SCMH1: variants seen among roughly 807,000 people sequenced by gnomAD.
SCMH1 encodes the protein Scm polycomb group protein homolog 1, also known as polycomb protein SCMH1.
Under a neutral mutation model 70.8 loss-of-function variants are expected in SCMH1, and 37 were observed. That is an observed-to-expected ratio of 0.52 (90% CI 0.40 to 0.69). SCMH1 has a LOEUF of 0.69. SCMH1 is among the 30% of genes least tolerant of loss of function. The probability of loss-of-function intolerance (pLI) is 0.00; values close to 1 mark genes in which losing one functional copy is unlikely to be tolerated. For synonymous variants in SCMH1, 292 were observed against 307.4 expected, an observed-to-expected ratio of 0.95 and a Z score of 0.52; for missense variants, 607 against 827.3, an observed-to-expected ratio of 0.73 and a Z score of 3.27.
intron 1 of SCMH1, among the ~76,000 whole-genome samples, chr1:41,212,752 A>G (rs554523403): frequency 8.5e-5 from 13 of 152,366 alleles, no homozygotes; most frequent in Admixed American, 7.8e-4. Flanking sequence ...CACTCTGTAC[A>G]CACAGAGCTT....
At chr1:41,241,378 G>C (rs1663494173) in intron 1 of SCMH1, among the ~76,000 whole-genome samples, 1 of 152,226 alleles carries the variant, frequency 6.6e-6, no homozygotes, top group African/African-American at 2.4e-5. Context: ...TTCGGTGCGG[G>C]GCCGCTCTCC....
In SCMH1 at chr1:41,037,350, T is replaced by C; in HGVS notation, c.1678+12A>G. 6.2e-7 allele frequency: 1 copy of C among 1,612,622 alleles called. No homozygotes were observed. Among genetic ancestry groups the C allele is most frequent in the South Asian group, 1.1e-5 (1 of 90,976 alleles). ...AGGGAGGGAAGGAGGGCCAGGACTC[T>C]GGTAAGCTTACCCCTGGAGCATAGC... On this transcript the variant is annotated intron_variant, in intron 13 of 14. Coordinates refer to ENST00000337495, the Ensembl canonical transcript of SCMH1.
intron 5 of SCMH1, among the ~76,000 whole-genome samples, chr1:41,144,549 A>G (rs1572573021): frequency 6.6e-6 from 1 of 152,154 alleles, no homozygotes; most frequent in East Asian, 1.9e-4. Flanking sequence ...TATTATGAAT[A>G]ATGATGTGAT....
chr1:41,046,892 G>A (rs1646946246), intron 11 of SCMH1, among the ~76,000 whole-genome samples: 1 of 152,180 alleles, frequency 6.6e-6, no homozygotes, highest in Admixed American at 6.5e-5. Flanking sequence ...AATTCTCTCT[G>A]CTCCATCACT....
chr1:41,143,738 T>A (rs992800156), intron 5 of SCMH1, among the ~76,000 whole-genome samples: 2 of 150,630 alleles, frequency 1.3e-5, no homozygotes, highest in Non-Finnish European at 2.9e-5. Context: ...TTTTGTAATC[T>A]CTTCTTCTGG....
chr1:41,150,230 C>T (rs768890024), intron 5 of SCMH1, among the ~76,000 whole-genome samples: 1 of 152,168 alleles, frequency 6.6e-6, no homozygotes, highest in Admixed American at 6.5e-5. Context: ...TGGCTAGGCC[C>T]GGTGGCTCAC....
chr1:41,043,487 A>T (rs1379600288), intron 12 of SCMH1: 1 of 151,314 alleles, frequency 6.6e-6, no homozygotes, highest in East Asian at 1.9e-4. Context: ...CAGTGGCGCA[A>T]TCGCTGCTCA....
intron 1 of SCMH1, among the ~76,000 whole-genome samples, chr1:41,203,386 C>T (rs116082721): frequency 0.012 from 1,813 of 152,268 alleles, 30 homozygotes; most frequent in African/African-American, 0.041. Context: ...AAATTCATTA[C>T]ATCCAGTCAT....
intron 2 of SCMH1, among the ~76,000 whole-genome samples, chr1:41,175,698 A>G (rs1647070893): frequency 6.6e-6 from 1 of 152,132 alleles, no homozygotes; most frequent in South Asian, 2.1e-4. Flanking sequence ...CCACCTCTCT[A>G]TCTTATGTGT....
At chr1:41,161,669 A>T (rs946796160) in intron 2 of SCMH1, among the ~76,000 whole-genome samples, 19 of 152,258 alleles carry the variant, frequency 1.2e-4, no homozygotes, top group African/African-American at 4.1e-4. Context: ...TTAAGATTTG[A>T]TAATACAAAC....
intron 8 of SCMH1, among the ~76,000 whole-genome samples, chr1:41,107,241 A>G (rs1668176146): frequency 6.6e-6 from 1 of 151,900 alleles, no homozygotes; most frequent in South Asian, 2.1e-4. Flanking sequence ...TCCAACCTCC[A>G]GTCCCCTCAA....
rs545007148 is a variant in SCMH1, at chr1:41,076,177, A to G, written c.746-726T>C. On this transcript the variant is annotated intron_variant, in intron 8 of 14. Transcript: ENST00000337495. ...ATGTTCTAGTAGCCCTTATATGTTG[A>G]GCTCTCTATTACTCTTTGTCAGACA... Among the ~76,000 whole-genome samples, 4 of 152,118 alleles carry G rather than the reference A, an allele frequency of 2.6e-5. No individual in the cohort carries two copies. In the South Asian group the frequency reaches 8.3e-4, roughly 32 times the overall value.
intron 1 of SCMH1, among the ~76,000 whole-genome samples, chr1:41,192,525 C>CACACA (rs1553171751): frequency 6.7e-6 from 1 of 149,780 alleles, no homozygotes; most frequent in African/African-American, 2.5e-5. Context: ...CACACACACA[C>CACACA]CACTTAGAAC....
rs142882044 is a variant in SCMH1 at position 41,143,287 on chromosome 1, T to A, written c.178-175A>T. On this transcript the variant is annotated intron_variant, in intron 5 of 14. Transcript: ENST00000337495. Reference sequence around the variant, plus strand: ...GAAAGATAAGATGAAGGGGAAAAAATTACTTTCCAACGAAGCATCAAATAG... The same window carrying A: ...GAAAGATAAGATGAAGGGGAAAAAAATACTTTCCAACGAAGCATCAAATAG... Among the ~76,000 whole-genome samples, 456 of 152,068 alleles carry A rather than the reference T, an allele frequency of 3.0e-3. 3 individuals carry two copies. The highest frequency in any genetic ancestry group is 0.01 in the African/African-American group (435 of 41,478).
chr1:41,060,491 T>G (rs1354435173), intron 10 of SCMH1, among the ~76,000 whole-genome samples: 1 of 148,304 alleles, frequency 6.7e-6, no homozygotes, highest in Non-Finnish European at 1.5e-5. Flanking sequence ...ATTGAGGGAG[T>G]GTGTTGCCAG....
chr1:41,049,487 T>C (rs1316914099), intron 10 of SCMH1, among the ~76,000 whole-genome samples: 1 of 151,278 alleles, frequency 6.6e-6, no homozygotes, highest in Non-Finnish European at 1.5e-5. Flanking sequence ...AAAAAAAAAG[T>C]TGGGCTGGGC....
chr1:41,083,783 G>T (rs1660753045), intron 8 of SCMH1, among the ~76,000 whole-genome samples: 1 of 152,066 alleles, frequency 6.6e-6, no homozygotes, highest in Non-Finnish European at 1.5e-5. Context: ...CAGAGATATA[G>T]ATCAATGGAA....
Position 41,053,130 on chromosome 1 carries a change from G to A in SCMH1, c.1106-4240C>T, listed in dbSNP as rs1426113121. ...ATGGGGTTTCACCATTGATCTGCCC[G>A]CCTCAGCCTCCCAAAGTGGTGGGAT... On this transcript the variant is annotated intron_variant, in intron 10 of 14. Coordinates refer to ENST00000337495, the Ensembl canonical transcript of SCMH1. Among the ~76,000 whole-genome samples the A allele has an allele frequency of 5.9e-4, 9 of 15,260 alleles. No individual in the cohort carries two copies. In the East Asian group the frequency reaches 0.037, roughly 63 times the overall value. 10.0% of individuals were successfully genotyped at this position (15,260 alleles called of 152,430 possible).
chr1:41,123,134 C>T (rs1672346892), intron 6 of SCMH1, among the ~76,000 whole-genome samples: 1 of 152,150 alleles, frequency 6.6e-6, no homozygotes, highest in Non-Finnish European at 1.5e-5. Context: ...TGCAGGATGA[C>T]TGCTGTAGCC....
Sources: allele counts gnomAD v4.1 joint callset (sites outside exome capture counted in the v4.1 genomes callset), GRCh38; gene constraint gnomAD v4.1.1; transcripts MANE v1.5; gene names NCBI Gene and HGNC (gene_info 2026-07-23, HGNC 2026-07-21).